ZFAT: variants seen among roughly 807,000 people sequenced by gnomAD.
ZFAT encodes the protein zinc finger and AT-hook domain containing.
ZFAT carries 64 observed loss-of-function variants against 117.7 expected under a neutral mutation model. The observed-to-expected ratio is 0.54, with a 90% CI of 0.44 to 0.67. The LOEUF (loss-of-function observed/expected upper bound fraction) is 0.67, where lower values mean the gene tolerates loss of function less well. ZFAT is among the 30% of genes least tolerant of loss of function. The pLI, the probability that ZFAT is intolerant of heterozygous loss-of-function variation, is 0.00. For synonymous variants in ZFAT, 679 were observed against 615.0 expected (o/e 1.10, Z -1.54); for missense variants, 1,433 against 1,584.5 (o/e 0.90, Z 1.62).
intron 1 of ZFAT, among the ~76,000 whole-genome samples, chr8:134,668,688 C>G (rs1023119151): frequency 6.6e-6 from 1 of 152,226 alleles, no homozygotes; most frequent in Non-Finnish European, 1.5e-5. Flanking sequence ...TTCTAAAAAT[C>G]AGAGCACTTC....
the ZFAT span, among the ~76,000 whole-genome samples, chr8:134,831,375 G>C: frequency 1.3e-5 from 2 of 152,162 alleles, no homozygotes; most frequent in African/African-American, 4.8e-5. Flanking sequence ...TTATCATTTA[G>C]TCCTAAAATA....
chr8:134,749,353 C>T, the ZFAT span, among the ~76,000 whole-genome samples: 3 of 152,126 alleles, frequency 2.0e-5, no homozygotes, highest in Admixed American at 6.6e-5. Flanking sequence ...AAATTTATTG[C>T]TCATGGTTCT....
chr8:134,776,871 TG>T, the ZFAT span, among the ~76,000 whole-genome samples: 1 of 152,222 alleles, frequency 6.6e-6, no homozygotes, highest in Non-Finnish European at 1.5e-5. Flanking sequence ...CAGTGGGATA[TG>T]GAGAGGCTTT....
intron 10 of ZFAT, among the ~76,000 whole-genome samples, chr8:134,579,847 G>A (rs1006111688): frequency 2.0e-5 from 3 of 151,878 alleles, no homozygotes; most frequent in African/African-American, 7.3e-5. Flanking sequence ...GCTATGGTGG[G>A]AGGCTGAGGC....
intron 1 of ZFAT, among the ~76,000 whole-genome samples, chr8:134,663,592 G>C (rs1320517447): frequency 6.6e-6 from 1 of 152,078 alleles, no homozygotes; most frequent in African/African-American, 2.4e-5. Flanking sequence ...CAAAAAATTA[G>C]CCGGGGGTGG....
At chr8:134,496,943 G>C (rs1818484051) in intron 15 of ZFAT, among the ~76,000 whole-genome samples, 1 of 152,254 alleles carries the variant, frequency 6.6e-6, no homozygotes, top group Non-Finnish European at 1.5e-5. Context: ...GGTCTAACCT[G>C]ATGTGTCCTA....
chr8:134,549,444 A>G (rs1211970681), intron 11 of ZFAT, among the ~76,000 whole-genome samples: 1 of 23,838 alleles, frequency 4.2e-5, no homozygotes, highest in East Asian at 0.071. Flanking sequence ...CCGTCTCAGA[A>G]AAAAAAAAAA....
chr8:134,550,552 T>C (rs1823085648), intron 11 of ZFAT, among the ~76,000 whole-genome samples: 1 of 152,226 alleles, frequency 6.6e-6, no homozygotes, highest in African/African-American at 2.4e-5. Context: ...CTAATTGCCT[T>C]TTGTGCAAGC....
chr8:134,579,788 C>T (rs994692797), intron 10 of ZFAT, among the ~76,000 whole-genome samples: 5 of 151,754 alleles, frequency 3.3e-5, no homozygotes, highest in Admixed American at 2.6e-4. Flanking sequence ...CCATCTCTAC[C>T]AAAAACACAA....
the ZFAT span, among the ~76,000 whole-genome samples, chr8:134,761,698 C>CAAAA: frequency 7.1e-6 from 1 of 140,810 alleles, no homozygotes; most frequent in Non-Finnish European, 1.6e-5. Context: ...GACTCCGTTT[C>CAAAA]AAAAAAAAAA....
intron 11 of ZFAT, among the ~76,000 whole-genome samples, chr8:134,558,515 GAAC>G (rs1823815446): frequency 1.3e-5 from 2 of 152,122 alleles, no homozygotes; most frequent in South Asian, 2.1e-4. Context: ...CAACAATTCC[GAAC>G]AACAAGAAAA....
the ZFAT span, among the ~76,000 whole-genome samples, chr8:134,824,063 A>T: frequency 2.0e-5 from 3 of 152,252 alleles, no homozygotes; most frequent in African/African-American, 7.2e-5. Flanking sequence ...ATACAAGATA[A>T]ATTAGATGGT....
intron 6 of ZFAT, 119 bp downstream of exon 6, chr8:134,601,358 G>A (rs1011489064): frequency 7.1e-7 from 1 of 1,415,122 alleles, no homozygotes; most frequent in African/African-American, 1.4e-5. Context: ...CTACAATGGA[G>A]GAGGATGGCT....
Position 134,601,535 on chromosome 8 carries a change from G to A in ZFAT, c.2184C>T (p.Asn728=), listed in dbSNP as rs1261375183. The change falls in exon 6 of 16, where the codon AAC becomes AAT. Residue 728 remains asparagine (N), a synonymous_variant. Coordinates refer to ENST00000377838, the MANE Select transcript of ZFAT (RefSeq NM_020863.4). ...TCCGGATCCGCTCACACAAGCTGGT[G>A]TTCATTTGCTTCTTCTGTAAACTGT... ...VLNSLQKKQM[N]TSLCERIRKV... is the part of the protein sequence containing the mutation. 1.2e-6 allele frequency: 2 copies of A among 1,614,104 alleles called. No individual in the cohort carries two copies. Among genetic ancestry groups the A allele is most frequent in the African/African-American group, 1.3e-5 (1 of 74,948 alleles).
chr8:134,593,602 T>C (rs546183869), intron 7 of ZFAT, among the ~76,000 whole-genome samples: 1 of 152,312 alleles, frequency 6.6e-6, no homozygotes, highest in South Asian at 2.1e-4. Flanking sequence ...AGAAGGGAGA[T>C]GCTGCACGAA....
intron 10 of ZFAT, among the ~76,000 whole-genome samples, chr8:134,581,333 G>A (rs1004843535): frequency 6.6e-6 from 1 of 152,138 alleles, no homozygotes; most frequent in African/African-American, 2.4e-5. Context: ...CTGTGGGAAA[G>A]CAATCATCTG....
At chr8:134,810,158 T>C in the ZFAT span, among the ~76,000 whole-genome samples, 1 of 152,342 alleles carries the variant, frequency 6.6e-6, no homozygotes, top group Admixed American at 6.5e-5. Context: ...ATAATACATT[T>C]AAATTTCCAA....
At chr8:134,707,444 A>T (rs1834179623) in intron 1 of ZFAT, among the ~76,000 whole-genome samples, 1 of 152,210 alleles carries the variant, frequency 6.6e-6, no homozygotes, top group Non-Finnish European at 1.5e-5. Context: ...AAAATTAATA[A>T]GCAATAATAA....
chr8:134,660,235 T>C (rs1282856568), intron 1 of ZFAT, among the ~76,000 whole-genome samples: 1 of 152,222 alleles, frequency 6.6e-6, no homozygotes, highest in Admixed American at 6.5e-5. Context: ...CAAGTCATTA[T>C]GGGCAAGAGG....
Sources: gnomAD v4.1 joint callset for allele counts (sites outside exome capture counted in the v4.1 genomes callset) on GRCh38, gnomAD v4.1.1 for gene constraint, MANE v1.5 for transcripts, NCBI Gene and HGNC (gene_info 2026-07-23, HGNC 2026-07-21) for gene names.